The following KCNN2 variants were observed in gnomAD, a reference collection of about 807,000 sequenced individuals.
KCNN2 encodes potassium calcium-activated channel subfamily N member 2, also known as small conductance calcium-activated potassium channel protein 2.
Under a neutral mutation model 55.5 loss-of-function variants are expected in KCNN2, and 24 were observed. The ratio of observed to expected loss-of-function variants is 0.43; its 90% CI spans 0.31 to 0.61. KCNN2 has a LOEUF of 0.61. KCNN2 is among the 20% of genes least tolerant of loss of function. KCNN2 has a pLI of 0.08. For missense variants in KCNN2, 754 were observed against 853.6 expected (o/e 0.88, Z 1.45); for synonymous variants, 431 against 336.1 (o/e 1.28, Z -3.09).
chr5:114,241,307 G>A (rs4705643), intron 2 of KCNN2, among the ~76,000 whole-genome samples: 126,182 of 151,784 alleles, frequency 0.83, 52,508 homozygotes, highest in East Asian at 0.9. Flanking sequence ...ATTCATTTTA[G>A]ATAACGAATA....
At chr5:114,101,426 TTTC>T (rs1751371045) in intron 1 of KCNN2, among the ~76,000 whole-genome samples, 1 of 151,482 alleles carries the variant, frequency 6.6e-6, no homozygotes, top group South Asian at 2.1e-4. Flanking sequence ...TTTTTTTTTT[TTTC>T]TTTTTTTAAA....
intron 3 of KCNN2, among the ~76,000 whole-genome samples, chr5:114,438,173 G>A (rs182490205): frequency 6.6e-6 from 1 of 152,276 alleles, no homozygotes; most frequent in East Asian, 1.9e-4. Flanking sequence ...ACATTTCTGA[G>A]CGTAGTGATT....
intron 1 of KCNN2, among the ~76,000 whole-genome samples, chr5:114,209,518 A>G (rs1333434420): frequency 2.0e-5 from 3 of 152,064 alleles, no homozygotes; most frequent in Admixed American, 6.6e-5. Context: ...AGGTTTGTGG[A>G]CTGCTGTTGT....
intron 1 of KCNN2, among the ~76,000 whole-genome samples, chr5:114,117,354 G>A (rs757297265): frequency 6.6e-6 from 1 of 152,116 alleles, no homozygotes; most frequent in Non-Finnish European, 1.5e-5. Context: ...GACCACTGTG[G>A]TAACCCTCTG....
intron 1 of KCNN2, among the ~76,000 whole-genome samples, chr5:114,091,314 CT>C (rs1333059214): frequency 6.6e-6 from 1 of 152,106 alleles, no homozygotes; most frequent in African/African-American, 2.4e-5. Context: ...CACTTTCCTA[CT>C]GAAATCAATA....
intron 2 of KCNN2, among the ~76,000 whole-genome samples, chr5:114,400,438 G>T (rs920507964): frequency 1.3e-5 from 2 of 152,100 alleles, no homozygotes; most frequent in Non-Finnish European, 2.9e-5. Context: ...TTCCACAACT[G>T]CCCCTCTTCA....
chr5:114,126,819 G>T (rs1751942720), intron 1 of KCNN2, among the ~76,000 whole-genome samples: 1 of 152,116 alleles, frequency 6.6e-6, no homozygotes, highest in African/African-American at 2.4e-5. Flanking sequence ...AAGCAAGTTA[G>T]TTACTTCCTA....
chr5:114,098,122 C>T (rs528649060), intron 1 of KCNN2, among the ~76,000 whole-genome samples: 8 of 152,242 alleles, frequency 5.3e-5, no homozygotes, highest in Admixed American at 2.0e-4. Flanking sequence ...CTTTCCGCTT[C>T]TGTCATCACA....
intron 2 of KCNN2, among the ~76,000 whole-genome samples, chr5:114,315,802 A>T (rs1008488183): frequency 6.6e-6 from 1 of 152,128 alleles, no homozygotes; most frequent in African/African-American, 2.4e-5. Context: ...AAACAGATAA[A>T]AAGCACTTTG....
Position 114,121,848 on chromosome 5 carries a change from G to A in KCNN2, c.-271+65348G>A, listed in dbSNP as rs115061686. Among the ~76,000 whole-genome samples the A allele has an allele frequency of 9.0e-3, 1,376 of 152,312 alleles. 20 individuals carry two copies. Among genetic ancestry groups the A allele is most frequent in the African/African-American group, 0.032 (1,317 of 41,554 alleles). On this transcript the variant is annotated intron_variant, in intron 1 of 10. Transcript: ENST00000512097. ...TCCTTTTACCCCCACCTGGGTGGCT[G>A]TGTGTGGAAGGCAACAGTGTGTTCA...
intron 3 of KCNN2, among the ~76,000 whole-genome samples, chr5:114,445,956 C>G (rs1760389149): frequency 6.6e-6 from 1 of 152,174 alleles, no homozygotes; most frequent in South Asian, 2.1e-4. Flanking sequence ...CCAGCATAGG[C>G]TTAATAGGAA....
chr5:114,141,071 G>A (rs1156730508), intron 1 of KCNN2, among the ~76,000 whole-genome samples: 1 of 151,930 alleles, frequency 6.6e-6, no homozygotes, highest in Non-Finnish European at 1.5e-5. Context: ...ACAGGCATAA[G>A]CCACCATGCC....
At chr5:114,427,159 T>C (rs338624) in intron 3 of KCNN2, among the ~76,000 whole-genome samples, 151,918 of 152,350 alleles carry the variant, frequency 1, 75,744 homozygotes, top group Middle Eastern at 1. Context: ...TTCTCCTCTT[T>C]CAAGAGCAAA....
chr5:114,208,750 C>T (rs767293256), intron 1 of KCNN2, among the ~76,000 whole-genome samples: 12 of 152,192 alleles, frequency 7.9e-5, no homozygotes, highest in Non-Finnish European at 1.0e-4. Context: ...CCACTTAATA[C>T]GCTGCAGGGC....
intron 3 of KCNN2, among the ~76,000 whole-genome samples, chr5:114,457,752 A>G (rs1760998108): frequency 6.6e-6 from 1 of 152,130 alleles, no homozygotes; most frequent in South Asian, 2.1e-4. Flanking sequence ...CTGTCCTTCA[A>G]CAGAGGGAGA....
intron 1 of KCNN2, among the ~76,000 whole-genome samples, chr5:114,197,379 T>A (rs1753579231): frequency 6.6e-6 from 1 of 152,200 alleles, no homozygotes; most frequent in South Asian, 2.1e-4. Flanking sequence ...TCTCTCCTTG[T>A]TAGTTTTCTG....
intron 2 of KCNN2, among the ~76,000 whole-genome samples, chr5:114,250,286 T>C (rs1439585020): frequency 6.6e-6 from 1 of 152,182 alleles, no homozygotes; most frequent in Non-Finnish European, 1.5e-5. Context: ...TTCTCTGTTA[T>C]CTTAACAGGT....
chr5:114,365,150 C>T (rs1017706601), intron 2 of KCNN2, among the ~76,000 whole-genome samples: 1 of 152,080 alleles, frequency 6.6e-6, no homozygotes. Flanking sequence ...ATGCACATTA[C>T]TCCAAGTGCA....
At position 114,411,544 on chromosome 5, in the gene KCNN2, C is replaced by T. The variant is rs115497085; in HGVS notation, c.1637+6688C>T. 5.7e-3 allele frequency among the ~76,000 whole-genome samples: 868 copies of T among 152,130 alleles called. 8 individuals carry two copies. The highest frequency in any genetic ancestry group is 0.02 in the African/African-American group (834 of 41,494). Reference sequence around the variant, plus strand: ...AGTCCAAAGCTGAAGGCCTGTGAATCCAAAGAGATGCAGGTGCAAGTCCTA... The same window carrying T: ...AGTCCAAAGCTGAAGGCCTGTGAATTCAAAGAGATGCAGGTGCAAGTCCTA... On this transcript the variant is annotated intron_variant, in intron 3 of 7. Coordinates refer to ENST00000673685, the MANE Select transcript of KCNN2 (RefSeq NM_021614.4).
Sources: allele counts gnomAD v4.1 joint callset (sites outside exome capture counted in the v4.1 genomes callset), GRCh38; gene constraint gnomAD v4.1.1; transcripts MANE v1.5; gene names NCBI Gene and HGNC (gene_info 2026-07-23, HGNC 2026-07-21).